IQCH: variants seen among roughly 807,000 people sequenced by gnomAD.
The protein encoded by IQCH is IQ domain-containing protein H.
A neutral mutation model predicts 117.0 loss-of-function variants in IQCH; 98 were observed. The ratio of observed to expected loss-of-function variants is 0.84; its 90% CI spans 0.71 to 0.99. IQCH has a LOEUF of 0.99. Among genes scored for constraint, IQCH ranks in the 50% least tolerant of loss-of-function variants. The pLI is 0.00. For synonymous variants in IQCH, 412 were observed against 448.2 expected, an observed-to-expected ratio of 0.92 and a Z score of 1.02; for missense variants, 1,102 against 1,243.8, an observed-to-expected ratio of 0.89 and a Z score of 1.72.
At chr15:67,377,770 A>C (rs754723415) in intron 10 of IQCH, among the ~76,000 whole-genome samples, 1 of 152,146 alleles carries the variant, frequency 6.6e-6, no homozygotes, top group Non-Finnish European at 1.5e-5. Context: ...TAAAGTAAAA[A>C]TAGAGGTGGG....
chr15:67,300,373 A>G (rs573507465), intron 4 of IQCH, among the ~76,000 whole-genome samples: 20 of 152,254 alleles, frequency 1.3e-4, no homozygotes, highest in Middle Eastern at 3.4e-3. Context: ...AAACAACCCT[A>G]TGAAGCTAAG....
chr15:67,341,604 C>T (rs1347976000), intron 5 of IQCH, among the ~76,000 whole-genome samples: 1 of 152,012 alleles, frequency 6.6e-6, no homozygotes, highest in East Asian at 1.9e-4. Context: ...TTCAGGTGAC[C>T]GTTTTGCTCA....
rs1322360007 is a variant in IQCH, at chr15:67,364,936, ATAAT to A, written c.753+5053_753+5056del. Among the ~76,000 whole-genome samples the A allele has an allele frequency of 6.6e-6, 1 of 152,114 alleles. No individual in the cohort carries two copies. The highest frequency in any genetic ancestry group is 2.4e-5 in the African/African-American group (1 of 41,408). On this transcript the variant is annotated intron_variant, in intron 8 of 20. Transcript: ENST00000335894. The surrounding 1 kb of genome is among the most constrained non-coding windows in gnomAD (Gnocchi z 4.1). Reference sequence around the variant, plus strand: ...ATTATAAATGTTACATTATTAATAAATAATTGTTTTTGTTCTTGTTTTGAGATGC... The same window carrying A: ...ATTATAAATGTTACATTATTAATAAATGTTTTTGTTCTTGTTTTGAGATGC...
Position 67,365,290 on chromosome 15 carries a change from G to T in IQCH, c.753+5405G>T, listed in dbSNP as rs1226599487. 1.3e-5 allele frequency among the ~76,000 whole-genome samples: 2 copies of T among 152,194 alleles called. No homozygotes were observed. The highest frequency in any genetic ancestry group is 2.9e-5 in the Non-Finnish European group (2 of 68,052). On this transcript the variant is annotated intron_variant, in intron 8 of 20. Transcript: ENST00000335894. The surrounding 1 kb of genome is among the most constrained non-coding windows in gnomAD (Gnocchi z 4.4). Reference sequence around the variant, plus strand: ...AGGGTATGGACATTTTTGTATCTCAGTAGCCAAACTTTGCATTAGTGCTCC... The same window carrying T: ...AGGGTATGGACATTTTTGTATCTCATTAGCCAAACTTTGCATTAGTGCTCC...
chr15:67,380,142 G>A (rs535295313), intron 10 of IQCH, among the ~76,000 whole-genome samples: 65 of 152,290 alleles, frequency 4.3e-4, no homozygotes, highest in African/African-American at 1.6e-3. Context: ...GTGAGCCACT[G>A]TGCCCAGCCA....
rs1461186525 is a variant in IQCH at position 67,490,814 on chromosome 15, G to A, written c.2861+750G>A. On this transcript the variant is annotated intron_variant, in intron 19 of 20. Coordinates refer to ENST00000335894, the MANE Select transcript of IQCH (RefSeq NM_001031715.3). The surrounding 1 kb of genome is among the most constrained non-coding windows in gnomAD (Gnocchi z 4.9). Reference sequence around the variant, plus strand: ...TTCAACCCGGGCGCAGTCTTCTCAAGGTACGCATGCACTGAGCACAGGCTG... The same window carrying A: ...TTCAACCCGGGCGCAGTCTTCTCAAAGTACGCATGCACTGAGCACAGGCTG... Among the ~76,000 whole-genome samples the A allele has an allele frequency of 6.6e-6, 1 of 152,204 alleles. No homozygotes were observed. Among genetic ancestry groups the A allele is most frequent in the Admixed American group, 6.5e-5 (1 of 15,282 alleles).
chr15:67,310,001 A>G (rs892407644), intron 4 of IQCH, among the ~76,000 whole-genome samples: 7 of 151,530 alleles, frequency 4.6e-5, no homozygotes, highest in Admixed American at 2.6e-4. Flanking sequence ...TTCCTGAAAA[A>G]TGAATTAGTG....
At chr15:67,383,031 C>T (rs138963778) in intron 10 of IQCH, among the ~76,000 whole-genome samples, 21 of 152,342 alleles carry the variant, frequency 1.4e-4, no homozygotes, top group African/African-American at 5.0e-4. Flanking sequence ...TGACTCCCAA[C>T]TTCTGCTCTG....
chr15:67,351,678 AT>A (rs1326643520), intron 6 of IQCH, among the ~76,000 whole-genome samples: 2 of 152,202 alleles, frequency 1.3e-5, no homozygotes, highest in African/African-American at 4.8e-5. Flanking sequence ...TACTATAGTT[AT>A]TATATCTTAC....
intron 4 of IQCH, among the ~76,000 whole-genome samples, chr15:67,317,325 C>T (rs1052330410): frequency 3.3e-5 from 5 of 152,144 alleles, no homozygotes; most frequent in African/African-American, 1.2e-4. Context: ...GCCTCAGCCT[C>T]CCGGGTAGCT....
chr15:67,463,731 G>A lies in IQCH; in HGVS notation c.2506-1396G>A, dbSNP rs1186009584. Among the ~76,000 whole-genome samples, 4 of 152,178 alleles carry A rather than the reference G, an allele frequency of 2.6e-5. No individual in the cohort carries two copies. Among genetic ancestry groups the A allele is most frequent in the African/African-American group, 9.6e-5 (4 of 41,454 alleles). On this transcript the variant is annotated intron_variant, in intron 16 of 20. Transcript: ENST00000335894. This position sits in a 1 kb window ranked among gnomAD's most constrained non-coding sequence, Gnocchi z 4.0. ...GCCCTGATTTCATTAGACAAACCCA[G>A]TCTGTCCTTTCTTTCTGCTTCAGTA...
In IQCH at chr15:67,388,896, A is replaced by C. The variant is rs770953944; in HGVS notation, c.1522A>C (p.Lys508Gln). The change falls in exon 12 of 21, where the codon AAA becomes CAA. Residue 508 changes from lysine to glutamine, a missense_variant. Lys to Gln is a moderately conservative substitution (Grantham distance 53). Transcript: ENST00000335894. The surrounding 1 kb of genome is among the most constrained non-coding windows in gnomAD (Gnocchi z 5.5). ...GAATGACGAGTTAGTGCTGTATTAC[A>C]AAAAAATCCTAAGTCTACATGCAGC... is the stretch of plus-strand genomic sequence containing the variant. ...HMNDELVLYY[K>Q]KILSLHAAVK... 3 of 1,613,038 alleles carry C rather than the reference A, an allele frequency of 1.9e-6. No homozygotes were observed. The highest frequency in any genetic ancestry group is 2.2e-5 in the East Asian group (1 of 44,856).
chr15:67,321,014 A>G (rs1968091710), intron 4 of IQCH, among the ~76,000 whole-genome samples: 1 of 152,230 alleles, frequency 6.6e-6, no homozygotes, highest in South Asian at 2.1e-4. Flanking sequence ...AGAATAGCTC[A>G]CAGAACTATA....
At chr15:67,306,932 A>G in intron 4 of IQCH, 2 of 1,413,154 alleles carry the variant, frequency 1.4e-6, no homozygotes, top group Admixed American at 5.8e-5. Context: ...ACATTAAGAA[A>G]TCTACAGAAA....
intron 20 of IQCH, among the ~76,000 whole-genome samples, chr15:67,498,880 A>G (rs575017606): frequency 9.2e-5 from 14 of 152,338 alleles, no homozygotes; most frequent in Admixed American, 7.8e-4. Context: ...TGCAAATCAT[A>G]TATCTGGTAA....
At chr15:67,320,643 A>G (rs1437057544) in intron 4 of IQCH, among the ~76,000 whole-genome samples, 1 of 152,212 alleles carries the variant, frequency 6.6e-6, no homozygotes, top group Non-Finnish European at 1.5e-5. Flanking sequence ...AGCTCCTTCG[A>G]AGAAAAGTTT....
intron 4 of IQCH, among the ~76,000 whole-genome samples, chr15:67,314,846 C>T (rs1203732162): frequency 6.6e-6 from 1 of 152,138 alleles, no homozygotes; most frequent in Non-Finnish European, 1.5e-5. Flanking sequence ...TTTTCTTAAA[C>T]CCTGTGTAGT....
chr15:67,349,606 C>CAAA (rs35892110), intron 6 of IQCH, among the ~76,000 whole-genome samples: 3,001 of 118,818 alleles, frequency 0.025, 78 homozygotes, highest in Non-Finnish European at 0.036. Flanking sequence ...GACTCCATCT[C>CAAA]AAAAAAAAAA....
intron 19 of IQCH, among the ~76,000 whole-genome samples, chr15:67,492,935 G>A (rs2083700490): frequency 6.6e-6 from 1 of 152,130 alleles, no homozygotes; most frequent in Admixed American, 6.5e-5. Flanking sequence ...GAAGCCTACA[G>A]AATTAATAAT....
Sources: allele counts gnomAD v4.1 joint callset (sites outside exome capture counted in the v4.1 genomes callset), GRCh38; gene constraint gnomAD v4.1.1; non-coding constraint Gnocchi (gnomAD v3.1); transcripts MANE v1.5; gene names NCBI Gene and HGNC (gene_info 2026-07-23, HGNC 2026-07-21).